The following SPOCK1 variants were observed in gnomAD, a reference collection of about 807,000 sequenced individuals.
SPOCK1 encodes the protein testican-1.
In SPOCK1, 23 loss-of-function variants were observed where a neutral mutation model predicts 55.3. The ratio of observed to expected loss-of-function variants is 0.42; its 90% CI spans 0.30 to 0.59. The LOEUF (loss-of-function observed/expected upper bound fraction) is 0.59, where lower values mean the gene tolerates loss of function less well. SPOCK1 is among the 20% of genes least tolerant of loss of function. SPOCK1 has a pLI of 0.22. For missense variants in SPOCK1, 499 were observed against 552.5 expected, an observed-to-expected ratio of 0.90 and a Z score of 0.97; for synonymous variants, 226 against 221.0, an observed-to-expected ratio of 1.02 and a Z score of -0.20.
At chr5:137,434,124 C>T (rs923500721) in intron 2 of SPOCK1, among the ~76,000 whole-genome samples, 2 of 152,216 alleles carry the variant, frequency 1.3e-5, no homozygotes, top group African/African-American at 4.8e-5. Context: ...TCCACCAAAA[C>T]TGACCATCTG....
chr5:137,453,500 A>G (rs1170790384), intron 2 of SPOCK1, among the ~76,000 whole-genome samples: 4 of 152,178 alleles, frequency 2.6e-5, no homozygotes, highest in Non-Finnish European at 5.9e-5. Flanking sequence ...TGAAAGCTAA[A>G]ACCATTATTT....
intron 3 of SPOCK1, among the ~76,000 whole-genome samples, chr5:137,149,629 C>G (rs1026844624): frequency 6.6e-6 from 1 of 152,176 alleles, no homozygotes; most frequent in Non-Finnish European, 1.5e-5. Context: ...ATTAAAATTT[C>G]TATAAAAACA....
chr5:136,998,224 C>G (rs1751083659), intron 6 of SPOCK1, among the ~76,000 whole-genome samples: 1 of 152,162 alleles, frequency 6.6e-6, no homozygotes, highest in Non-Finnish European at 1.5e-5. Context: ...AATAACATCT[C>G]TCCTTATTTT....
intron 2 of SPOCK1, among the ~76,000 whole-genome samples, chr5:137,482,680 A>T (rs1031954810): frequency 1.1e-4 from 16 of 152,180 alleles, no homozygotes; most frequent in Admixed American, 8.5e-4. Context: ...AAAATTTGCC[A>T]TGCAGCAGAT....
chr5:137,458,626 C>T (rs889929598), intron 2 of SPOCK1, among the ~76,000 whole-genome samples: 38 of 152,286 alleles, frequency 2.5e-4, no homozygotes, highest in African/African-American at 7.5e-4. Flanking sequence ...TTTGCTCCAA[C>T]GAAATTTCTC....
chr5:136,988,411 T>A lies in SPOCK1; in HGVS notation c.928+11A>T. On this transcript the variant is annotated intron_variant, in intron 8 of 10. Transcript: ENST00000394945. ...CTGGGCTAGGGACCCCAACCCTCCATCCCACCTTACCTCCAGGCTTCTGGA... is the reference window on the plus strand; with the variant it reads ...CTGGGCTAGGGACCCCAACCCTCCAACCCACCTTACCTCCAGGCTTCTGGA... 1 of 1,611,410 alleles carries A rather than the reference T, an allele frequency of 6.2e-7. No individual in the cohort carries two copies.
At chr5:137,036,614 C>T (rs994842342) in intron 6 of SPOCK1, among the ~76,000 whole-genome samples, 1 of 152,216 alleles carries the variant, frequency 6.6e-6, no homozygotes, top group Non-Finnish European at 1.5e-5. Context: ...TTGCCATTCT[C>T]TCAGACCCTC....
chr5:137,277,128 C>T (rs965558686), intron 2 of SPOCK1, among the ~76,000 whole-genome samples: 17 of 152,080 alleles, frequency 1.1e-4, no homozygotes, highest in African/African-American at 3.9e-4. Context: ...GATCCTCCTG[C>T]CTCATCCTCC....
At position 137,155,488 on chromosome 5, in the gene SPOCK1, C is replaced by T. The variant is rs114772114; in HGVS notation, c.233-14794G>A. Among the ~76,000 whole-genome samples, 803 of 152,342 alleles carry T rather than the reference C, an allele frequency of 5.3e-3. 7 individuals carry two copies. The highest frequency in any genetic ancestry group is 0.019 in the African/African-American group (776 of 41,580). Reference sequence around the variant, plus strand: ...AAAGGTGAAAGGATGGTTTAACACCCTCCACTCAGTGAGGTCACGCTGGAA... The same window carrying T: ...AAAGGTGAAAGGATGGTTTAACACCTTCCACTCAGTGAGGTCACGCTGGAA... On this transcript the variant is annotated intron_variant, in intron 3 of 10. Transcript: ENST00000394945.
At chr5:137,246,239 A>G (rs1580827128) in intron 3 of SPOCK1, among the ~76,000 whole-genome samples, 2 of 152,172 alleles carry the variant, frequency 1.3e-5, no homozygotes, top group East Asian at 3.9e-4. Context: ...ATTTTTAATT[A>G]CCTCTGAGAT....
At chr5:137,092,580 C>T (rs1459960285) in intron 5 of SPOCK1, among the ~76,000 whole-genome samples, 5 of 152,220 alleles carry the variant, frequency 3.3e-5, no homozygotes, top group African/African-American at 1.2e-4. Flanking sequence ...TTTCTCAAAC[C>T]ATTCAATACA....
chr5:137,084,830 T>A (rs1334107628), intron 5 of SPOCK1, among the ~76,000 whole-genome samples: 1 of 151,966 alleles, frequency 6.6e-6, no homozygotes, highest in Admixed American at 6.6e-5. Context: ...TACCTTTCCA[T>A]GCCAACCTCA....
chr5:136,978,659 A>T lies in SPOCK1; in HGVS notation c.1315T>A (p.Trp439Arg), dbSNP rs1750663755. 2 of 1,605,794 alleles carry T rather than the reference A, an allele frequency of 1.2e-6. No homozygotes were observed. Among genetic ancestry groups the T allele is most frequent in the South Asian group, 1.1e-5 (1 of 89,330 alleles). Residue 439 changes from tryptophan to arginine, a missense_variant, in exon 11 of 11, where the codon TGG becomes AGG. Trp to Arg is a moderately radical substitution (Grantham distance 101). Transcript: ENST00000394945. ...DDKEDEVGYI[W>R] ...TGTCCTCTTTCTTGTGGGCACTACC[A>T]TATGTACCCGACCTCATCCTCTTTG...
At chr5:137,044,279 A>G (rs1412801269) in intron 6 of SPOCK1, among the ~76,000 whole-genome samples, 1 of 152,222 alleles carries the variant, frequency 6.6e-6, no homozygotes, top group Non-Finnish European at 1.5e-5. Context: ...CTTGATTCCC[A>G]TTTATGCCCC....
chr5:137,018,907 A>C (rs1346774808), intron 6 of SPOCK1, among the ~76,000 whole-genome samples: 2 of 152,234 alleles, frequency 1.3e-5, no homozygotes, highest in Non-Finnish European at 2.9e-5. Context: ...AATCAATAGC[A>C]AGACCATTAA....
intron 2 of SPOCK1, among the ~76,000 whole-genome samples, chr5:137,455,518 T>C (rs796699946): frequency 6.6e-6 from 1 of 152,214 alleles, no homozygotes; most frequent in African/African-American, 2.4e-5. Context: ...ATAAAGACAA[T>C]TCTAAAGAGA....
At chr5:136,994,981 G>A (rs958882034) in intron 6 of SPOCK1, among the ~76,000 whole-genome samples, 6 of 151,844 alleles carry the variant, frequency 4.0e-5, no homozygotes, top group Admixed American at 1.3e-4. Context: ...CTCCAGCCTG[G>A]GCAAAAAGAG....
chr5:137,070,835 C>G (rs1014380178), intron 5 of SPOCK1, among the ~76,000 whole-genome samples: 2 of 152,138 alleles, frequency 1.3e-5, no homozygotes, highest in African/African-American at 4.8e-5. Context: ...TCCTGTCCAG[C>G]CCTGGTGGCC....
At chr5:137,284,314 A>G (rs943470861) in intron 2 of SPOCK1, among the ~76,000 whole-genome samples, 1 of 152,228 alleles carries the variant, frequency 6.6e-6, no homozygotes, top group African/African-American at 2.4e-5. Context: ...ACTCAGACCC[A>G]TACAACCAGC....
Sources: allele counts gnomAD v4.1 joint callset (sites outside exome capture counted in the v4.1 genomes callset), GRCh38; gene constraint gnomAD v4.1.1; transcripts MANE v1.5; gene names NCBI Gene and HGNC (gene_info 2026-07-23, HGNC 2026-07-21).